Variants in LIMCH1 observed in about 807,000 individuals in gnomAD.
LIMCH1 encodes the protein LIM and calponin homology domains-containing protein 1.
In LIMCH1, 113 loss-of-function variants were observed where a neutral mutation model predicts 176.5. The ratio of observed to expected loss-of-function variants is 0.64; its 90% CI spans 0.55 to 0.75. The LOEUF (loss-of-function observed/expected upper bound fraction) is 0.75. LIMCH1 is among the 30% of genes least tolerant of loss of function. LIMCH1 has a pLI of 0.00. For synonymous variants in LIMCH1, 619 were observed against 645.9 expected, an observed-to-expected ratio of 0.96 and a Z score of 0.63; for missense variants, 1,674 against 1,814.9, an observed-to-expected ratio of 0.92 and a Z score of 1.41.
At position 41,646,664 on chromosome 4, in the gene LIMCH1, T is replaced by C; in HGVS notation, c.2591T>C (p.Phe864Ser). ...TCAACAGAGCCAAATTTATCCTCCTTCCTGAATGACCCCAATCCCATGAAA... is the reference window on the plus strand; with the variant it reads ...TCAACAGAGCCAAATTTATCCTCCTCCCTGAATGACCCCAATCCCATGAAA... ...SHSTEPNLSS[F>S]LNDPNPMKYL... is the part of the protein sequence containing the mutation. The change falls in exon 17 of 32, where the codon TTC becomes TCC. Residue 864 changes from phenylalanine (F) to serine (S), a missense_variant. Phe to Ser is a radical substitution (Grantham distance 155, BLOSUM62 -2). This residue lies in a region of LIMCH1 where 1,015 missense variants were observed against 1,102.5 expected (regional missense o/e 0.92). Coordinates refer to ENST00000503057, the MANE Select transcript of LIMCH1 (RefSeq NM_001330672.2). The C allele has an allele frequency of 6.2e-7, 1 of 1,614,180 alleles. No homozygotes were observed. Among genetic ancestry groups the C allele is most frequent in the Non-Finnish European group, 8.5e-7 (1 of 1,180,034 alleles).
chr4:41,631,731 T>C (rs1452673599), intron 10 of LIMCH1, among the ~76,000 whole-genome samples: 3 of 152,232 alleles, frequency 2.0e-5, no homozygotes, highest in Non-Finnish European at 4.4e-5. Context: ...AATGACCCTT[T>C]TTCCCTTGGC....
intron 1 of LIMCH1, among the ~76,000 whole-genome samples, chr4:41,476,340 C>T (rs894441812): frequency 6.6e-6 from 1 of 152,134 alleles, no homozygotes; most frequent in African/African-American, 2.4e-5. Flanking sequence ...TGCATTGTTT[C>T]CTTAGAGTTC....
intron 20 of LIMCH1, among the ~76,000 whole-genome samples, chr4:41,663,394 G>A (rs540717197): frequency 6.6e-6 from 1 of 152,162 alleles, no homozygotes; most frequent in Admixed American, 6.5e-5. Flanking sequence ...TGTAATATAA[G>A]TTCTAAAGCC....
intron 1 of LIMCH1, among the ~76,000 whole-genome samples, chr4:41,427,779 C>T (rs187079411): frequency 1.5e-3 from 224 of 152,206 alleles, no homozygotes; most frequent in Middle Eastern, 6.8e-3. Flanking sequence ...GGACGTCTTC[C>T]TTCTTTAGAT....
At chr4:41,422,229 TA>T (rs1291221022) in intron 1 of LIMCH1, among the ~76,000 whole-genome samples, 1 of 152,182 alleles carries the variant, frequency 6.6e-6, no homozygotes, top group Non-Finnish European at 1.5e-5. Flanking sequence ...TTTATTTATT[TA>T]TTTTTTTGAG....
chr4:41,561,937 C>G lies in LIMCH1; in HGVS notation c.-241+23587C>G, dbSNP rs192820082. On this transcript the variant is annotated intron_variant, in intron 1 of 31. Transcript: ENST00000503057. ...AATCTCCCCAAAGGCCTCTAAAAAG[C>G]CTTCTCTCTAGAGAGAATTCTGATT... Among the ~76,000 whole-genome samples, 5 of 152,288 alleles carry G rather than the reference C, an allele frequency of 3.3e-5. No individual in the cohort carries two copies. In the East Asian group the frequency reaches 9.6e-4, roughly 29 times the overall value.
At chr4:41,519,177 C>T (rs7671360) in intron 2 of LIMCH1, among the ~76,000 whole-genome samples, 78,961 of 152,098 alleles carry the variant, frequency 0.52, 23,675 homozygotes, top group African/African-American at 0.83. Context: ...TGTATGACAG[C>T]GAGACACGTA....
chr4:41,402,757 A>G (rs1304236091), intron 1 of LIMCH1, among the ~76,000 whole-genome samples: 3 of 147,164 alleles, frequency 2.0e-5, no homozygotes, highest in East Asian at 2.0e-4. Flanking sequence ...GTTCTCACTC[A>G]TAGATGAGAA....
intron 2 of LIMCH1, among the ~76,000 whole-genome samples, chr4:41,511,270 C>T (rs1468162820): frequency 1.3e-5 from 2 of 152,206 alleles, no homozygotes; most frequent in African/African-American, 4.8e-5. Context: ...CTTGCATTTG[C>T]TTCTAGCTAC....
chr4:41,613,035 A>G (rs1247648112), intron 4 of LIMCH1: 7 of 1,552,004 alleles, frequency 4.5e-6, no homozygotes, highest in Non-Finnish European at 4.4e-6. Flanking sequence ...AAAGTTGCAC[A>G]GCTAAACCAG....
chr4:41,638,619 C>T (rs975626868), intron 13 of LIMCH1, among the ~76,000 whole-genome samples: 5 of 152,162 alleles, frequency 3.3e-5, no homozygotes, highest in East Asian at 1.9e-4. Context: ...CTTCTCTAAA[C>T]GCTGTGGATT....
intron 1 of LIMCH1, among the ~76,000 whole-genome samples, chr4:41,409,854 GTTGA>G (rs1470112310): frequency 1.6e-4 from 25 of 152,158 alleles, no homozygotes; most frequent in Admixed American, 1.6e-3. Context: ...CTTGTCACAA[GTTGA>G]TTGAATTGAG....
chr4:41,597,832 G>A (rs1189471999), intron 1 of LIMCH1, among the ~76,000 whole-genome samples: 1 of 152,220 alleles, frequency 6.6e-6, no homozygotes, highest in Admixed American at 6.5e-5. Flanking sequence ...TTGCACTCAA[G>A]AAGAGGTGTG....
chr4:41,440,491 T>C (rs977172300), intron 1 of LIMCH1, among the ~76,000 whole-genome samples: 1 of 152,122 alleles, frequency 6.6e-6, no homozygotes, highest in African/African-American at 2.4e-5. Context: ...AGCTGGAATT[T>C]TATGTTCTAT....
chr4:41,449,902 A>T lies in LIMCH1; in HGVS notation c.97-44634A>T, dbSNP rs116224691. On this transcript the variant is annotated intron_variant, in intron 1 of 26. Coordinates refer to the LIMCH1 transcript ENST00000313860. Reference sequence around the variant, plus strand: ...AGGGCTGTGGGGAAGGATCTGTGCCAGGCTTCTTGGCCTTCTTCAGGTTCA... The same window carrying T: ...AGGGCTGTGGGGAAGGATCTGTGCCTGGCTTCTTGGCCTTCTTCAGGTTCA... Among the ~76,000 whole-genome samples the T allele has an allele frequency of 1.4e-3, 219 of 152,346 alleles. 1 individual carries two copies. The highest frequency in any genetic ancestry group is 4.9e-3 in the African/African-American group (205 of 41,582).
At chr4:41,509,107 A>G (rs2074526864) in intron 2 of LIMCH1, among the ~76,000 whole-genome samples, 1 of 152,164 alleles carries the variant, frequency 6.6e-6, no homozygotes, top group Admixed American at 6.5e-5. Flanking sequence ...GAAAGGGGGT[A>G]TTAACCAGAT....
chr4:41,449,052 C>T (rs535844770), intron 1 of LIMCH1, among the ~76,000 whole-genome samples: 1 of 152,230 alleles, frequency 6.6e-6, no homozygotes, highest in South Asian at 2.1e-4. Context: ...CTCCACACGC[C>T]CCTGTGACTC....
intron 31 of LIMCH1, among the ~76,000 whole-genome samples, chr4:41,694,420 A>G (rs1728820150): frequency 6.6e-6 from 1 of 152,220 alleles, no homozygotes; most frequent in African/African-American, 2.4e-5. Context: ...ACAGAGATAC[A>G]TATAAGTATG....
intron 1 of LIMCH1, among the ~76,000 whole-genome samples, chr4:41,379,849 G>T (rs1057437022): frequency 2.0e-5 from 3 of 151,486 alleles, no homozygotes; most frequent in Non-Finnish European, 4.4e-5. Flanking sequence ...CCCAGGCTGG[G>T]GTGCAGTGAC....
Sources: allele counts gnomAD v4.1 joint callset (sites outside exome capture counted in the v4.1 genomes callset), GRCh38; gene constraint gnomAD v4.1.1; regional missense constraint gnomAD v4.1.1; transcripts MANE v1.5; gene names NCBI Gene and HGNC (gene_info 2026-07-23, HGNC 2026-07-21).